Variants in RBFOX1 observed in about 807,000 individuals in gnomAD.
RBFOX1 encodes the protein RNA binding protein fox-1 homolog 1.
In RBFOX1, 8 loss-of-function variants were observed where a neutral mutation model predicts 57.7. That is an observed-to-expected ratio of 0.14 (90% CI 0.08 to 0.25). RBFOX1 has a LOEUF of 0.25. Ranked by LOEUF, RBFOX1 falls within the 10% of genes least tolerant of loss-of-function variation. The probability of loss-of-function intolerance (pLI) is 1.00; values close to 1 mark genes in which losing one functional copy is unlikely to be tolerated. For synonymous variants in RBFOX1, 326 were observed against 222.4 expected, an observed-to-expected ratio of 1.47 and a Z score of -4.15; for missense variants, 611 against 548.5, an observed-to-expected ratio of 1.11 and a Z score of -1.14.
At chr16:6,877,532 T>G (rs924086006) in intron 3 of RBFOX1, among the ~76,000 whole-genome samples, 7 of 152,164 alleles carry the variant, frequency 4.6e-5, no homozygotes, top group African/African-American at 1.7e-4. Context: ...CGACTCTCAG[T>G]GCTTGGAATT....
At position 5,568,100 on chromosome 16, in the gene RBFOX1, G is replaced by A. The variant is rs116231235; in HGVS notation, c.259-30802G>A. Among the ~76,000 whole-genome samples, 299 of 152,228 alleles carry A rather than the reference G, an allele frequency of 2.0e-3. 1 individual carries two copies. The highest frequency in any genetic ancestry group is 6.8e-3 in the African/African-American group (281 of 41,516). ...ATCCTTCTCTAGCTCACAAACCTTC[G>A]CTGGCTACTCACTGCTAAACAATGA... On this transcript the variant is annotated intron_variant, in intron 2 of 2. Coordinates refer to the RBFOX1 transcript ENST00000585867.
chr16:6,641,483 C>T (rs2098487196), intron 2 of RBFOX1, among the ~76,000 whole-genome samples: 2 of 152,030 alleles, frequency 1.3e-5, no homozygotes, highest in Non-Finnish European at 2.9e-5. Flanking sequence ...ACCTGTAATC[C>T]CAGCACTTTG....
At chr16:7,603,367 A>C (rs914173919) in intron 9 of RBFOX1, among the ~76,000 whole-genome samples, 3 of 152,236 alleles carry the variant, frequency 2.0e-5, no homozygotes, top group African/African-American at 7.2e-5. Flanking sequence ...CATGTTGGAC[A>C]GCAGTCTTGC....
chr16:7,444,183 C>T (rs192277244), intron 4 of RBFOX1, among the ~76,000 whole-genome samples: 1 of 152,330 alleles, frequency 6.6e-6, no homozygotes, highest in East Asian at 1.9e-4. Flanking sequence ...TTATGCAGGT[C>T]TTCCGTGTTA....
chr16:6,563,854 G>A (rs2097218456), intron 2 of RBFOX1, among the ~76,000 whole-genome samples: 1 of 151,874 alleles, frequency 6.6e-6, no homozygotes, highest in Admixed American at 6.6e-5. Context: ...ATATGTGTGT[G>A]TGTGTGTGTA....
chr16:7,568,963 CA>C (rs2092461997), intron 5 of RBFOX1, among the ~76,000 whole-genome samples: 2 of 151,010 alleles, frequency 1.3e-5, no homozygotes, highest in African/African-American at 2.4e-5. Context: ...TCATTTTATC[CA>C]GCCCCTATTC....
chr16:6,749,255 G>T (rs1331085543), intron 3 of RBFOX1, among the ~76,000 whole-genome samples: 1 of 152,060 alleles, frequency 6.6e-6, no homozygotes, highest in Non-Finnish European at 1.5e-5. Context: ...TCTGAGCCTG[G>T]GTTCCTCATT....
chr16:6,311,837 C>T (rs149611240), intron 1 of RBFOX1, among the ~76,000 whole-genome samples: 1 of 152,258 alleles, frequency 6.6e-6, no homozygotes, highest in East Asian at 1.9e-4. Flanking sequence ...GTTCACTTCT[C>T]CCATCCCAGG....
chr16:6,973,706 TG>T (rs1401748178), intron 3 of RBFOX1, among the ~76,000 whole-genome samples: 2 of 152,230 alleles, frequency 1.3e-5, no homozygotes, highest in Non-Finnish European at 2.9e-5. Context: ...TGTTGAATCA[TG>T]TTTGTGATAC....
Position 7,400,273 on chromosome 16 carries a change from G to A in RBFOX1, c.28-117874G>A, listed in dbSNP as rs554707998. Among the ~76,000 whole-genome samples the A allele has an allele frequency of 3.3e-5, 5 of 152,284 alleles. No homozygotes were observed. The South Asian group carries it at 1.0e-3, about 32-fold the overall frequency. ...TCTCTACAGAGATTCCGATTCTGTAGGTAGAGGGGAGGGGCAAGGATAGGC... is the reference window on the plus strand; with the variant it reads ...TCTCTACAGAGATTCCGATTCTGTAAGTAGAGGGGAGGGGCAAGGATAGGC... On this transcript the variant is annotated intron_variant, in intron 4 of 15. Transcript: ENST00000550418.
intron 3 of RBFOX1, among the ~76,000 whole-genome samples, chr16:6,703,446 A>G (rs1463812756): frequency 6.6e-6 from 1 of 152,034 alleles, no homozygotes; most frequent in East Asian, 1.9e-4. Flanking sequence ...GTATCGTGGT[A>G]CATGCCTGTA....
chr16:7,222,784 A>G (rs1352718286), intron 4 of RBFOX1, among the ~76,000 whole-genome samples: 1 of 152,228 alleles, frequency 6.6e-6, no homozygotes, highest in Non-Finnish European at 1.5e-5. Context: ...AACCAGTGCC[A>G]TTTCACAACT....
intron 4 of RBFOX1, among the ~76,000 whole-genome samples, chr16:7,145,496 C>T (rs984867434): frequency 1.3e-5 from 2 of 152,082 alleles, no homozygotes; most frequent in South Asian, 2.1e-4. Flanking sequence ...CGTGAGCCAT[C>T]ACACCTGGGC....
At chr16:7,463,732 G>C (rs746558698) in intron 4 of RBFOX1, among the ~76,000 whole-genome samples, 2 of 152,116 alleles carry the variant, frequency 1.3e-5, no homozygotes, top group Admixed American at 1.3e-4. Context: ...TTGGGGGGCC[G>C]TTCTGCCTAC....
At chr16:7,703,446 G>GCTAT (rs1157125754) in intron 14 of RBFOX1, among the ~76,000 whole-genome samples, 6 of 150,640 alleles carry the variant, frequency 4.0e-5, no homozygotes, top group Admixed American at 3.9e-4. Flanking sequence ...GATTCACCCA[G>GCTAT]CTATCTCTGG....
intron 2 of RBFOX1, among the ~76,000 whole-genome samples, chr16:6,628,788 C>G (rs1284674753): frequency 6.6e-6 from 1 of 152,164 alleles, no homozygotes; most frequent in African/African-American, 2.4e-5. Flanking sequence ...TGTCATTCTT[C>G]CAAAGTTTAG....
intron 14 of RBFOX1, chr16:7,693,462 C>G (rs1347137949): frequency 6.6e-6 from 6 of 912,808 alleles, no homozygotes; most frequent in African/African-American, 3.8e-5. Context: ...GTTGGTCACT[C>G]TAGAAAGTTT....
At chr16:6,554,861 C>T (rs981284061) in intron 2 of RBFOX1, among the ~76,000 whole-genome samples, 4 of 147,762 alleles carry the variant, frequency 2.7e-5, no homozygotes, top group Non-Finnish European at 5.9e-5. Flanking sequence ...CGCTCTGTCG[C>T]TCTCTCTCTC....
At chr16:5,756,080 G>A (rs565427667) in intron 3 of RBFOX1, among the ~76,000 whole-genome samples, 2 of 152,066 alleles carry the variant, frequency 1.3e-5, no homozygotes, top group East Asian at 1.9e-4. Flanking sequence ...GTCTCTCCCA[G>A]TGCCTTCTAA....
Sources: allele counts gnomAD v4.1 joint callset (sites outside exome capture counted in the v4.1 genomes callset), GRCh38; gene constraint gnomAD v4.1.1; transcripts MANE v1.5; gene names NCBI Gene and HGNC (gene_info 2026-07-23, HGNC 2026-07-21).